Variants in BTBD9 observed in about 807,000 individuals in gnomAD.
BTBD9 encodes BTB/POZ domain-containing protein 9.
Under a neutral mutation model 64.3 loss-of-function variants are expected in BTBD9, and 49 were observed. That is an observed-to-expected ratio of 0.76 (90% CI 0.61 to 0.97). The LOEUF (loss-of-function observed/expected upper bound fraction) is 0.97. Among genes scored for constraint, BTBD9 ranks in the 50% least tolerant of loss-of-function variants. The pLI is 0.00. For synonymous variants in BTBD9, 260 were observed against 274.7 expected (o/e 0.95, Z 0.53); for missense variants, 598 against 762.1 (o/e 0.78, Z 2.53).
At chr6:38,325,009 A>G (rs1763367368) in intron 7 of BTBD9, among the ~76,000 whole-genome samples, 1 of 152,222 alleles carries the variant, frequency 6.6e-6, no homozygotes, top group African/African-American at 2.4e-5. Flanking sequence ...TGCTTAGAAC[A>G]GTGATGACAT....
At chr6:38,205,322 A>G (rs1762598024) in intron 9 of BTBD9, among the ~76,000 whole-genome samples, 1 of 152,294 alleles carries the variant, frequency 6.6e-6, no homozygotes, top group Non-Finnish European at 1.5e-5. Flanking sequence ...CTGGAGGGGG[A>G]AAAAGCAGGT....
chr6:38,567,555 T>A (rs1389288340), intron 6 of BTBD9, among the ~76,000 whole-genome samples: 2 of 152,214 alleles, frequency 1.3e-5, no homozygotes, highest in Non-Finnish European at 2.9e-5. Flanking sequence ...GAAGTCCAAG[T>A]GTTCGTGCTA....
intron 8 of BTBD9, among the ~76,000 whole-genome samples, chr6:38,273,333 A>G (rs2127545293): frequency 6.6e-6 from 1 of 152,230 alleles, no homozygotes; most frequent in East Asian, 1.9e-4. Context: ...ATACAACCCT[A>G]TATTTTGTAT....
intron 7 of BTBD9, among the ~76,000 whole-genome samples, chr6:38,295,687 C>A (rs1762133503): frequency 6.6e-6 from 1 of 152,092 alleles, no homozygotes; most frequent in African/African-American, 2.4e-5. Context: ...ATCCTTTCCC[C>A]CACTAATTTA....
chr6:38,589,222 G>A (rs1313433424), intron 4 of BTBD9, among the ~76,000 whole-genome samples: 1 of 152,126 alleles, frequency 6.6e-6, no homozygotes, highest in East Asian at 1.9e-4. Context: ...AACTGGCTAA[G>A]TTCTCCCTTT....
At chr6:38,199,320 TGGAGAGTCCCTTTC>T (rs372512096) in intron 9 of BTBD9, among the ~76,000 whole-genome samples, 242 of 152,242 alleles carry the variant, frequency 1.6e-3, no homozygotes, top group Admixed American at 2.8e-3. Flanking sequence ...GGCAGGAGAC[TGGAGAGTCCCTTTC>T]GGGAGCCGCT....
intron 6 of BTBD9, among the ~76,000 whole-genome samples, chr6:38,348,723 A>G (rs1764385598): frequency 1.3e-5 from 2 of 152,184 alleles, no homozygotes; most frequent in African/African-American, 2.4e-5. Flanking sequence ...TCTAGGAGCT[A>G]TAAGATTACG....
At chr6:38,495,247 T>C (rs1771900457) in intron 6 of BTBD9, among the ~76,000 whole-genome samples, 1 of 152,212 alleles carries the variant, frequency 6.6e-6, no homozygotes, top group African/African-American at 2.4e-5. Flanking sequence ...ATTGTTCCCA[T>C]CTCATGGGAA....
chr6:38,413,378 G>A (rs1413028888), intron 6 of BTBD9, among the ~76,000 whole-genome samples: 1 of 152,210 alleles, frequency 6.6e-6, no homozygotes, highest in Non-Finnish European at 1.5e-5. Flanking sequence ...AAGAGCAGCT[G>A]GTGATTTGGA....
At chr6:38,600,888 TTA>T (rs1392892669) in intron 1 of BTBD9, among the ~76,000 whole-genome samples, 3 of 152,232 alleles carry the variant, frequency 2.0e-5, no homozygotes, top group African/African-American at 7.2e-5. Context: ...TGCATTTTAA[TTA>T]TGTTTTTCCA....
At chr6:38,235,518 C>A (rs1018861031) in intron 9 of BTBD9, among the ~76,000 whole-genome samples, 3 of 152,142 alleles carry the variant, frequency 2.0e-5, no homozygotes, top group African/African-American at 7.2e-5. Context: ...GTACCACTGG[C>A]TGAAGTTTAA....
intron 8 of BTBD9, among the ~76,000 whole-genome samples, chr6:38,265,925 A>T (rs1474596519): frequency 6.6e-6 from 1 of 152,206 alleles, no homozygotes; most frequent in Non-Finnish European, 1.5e-5. Context: ...CTAACACCAC[A>T]TTACCAAATA....
intron 6 of BTBD9, among the ~76,000 whole-genome samples, chr6:38,349,343 A>G (rs1056782996): frequency 6.6e-6 from 1 of 152,192 alleles, no homozygotes; most frequent in South Asian, 2.1e-4. Flanking sequence ...AGAGTAGATT[A>G]TAGGATGCAG....
At chr6:38,320,096 TC>T (rs1007868132) in intron 7 of BTBD9, among the ~76,000 whole-genome samples, 6 of 152,108 alleles carry the variant, frequency 3.9e-5, no homozygotes, top group African/African-American at 7.2e-5. Context: ...CGCAGCACTC[TC>T]CCCCTCCCCC....
At chr6:38,538,902 G>T (rs2073452276) in intron 6 of BTBD9, among the ~76,000 whole-genome samples, 1 of 151,836 alleles carries the variant, frequency 6.6e-6, no homozygotes, top group African/African-American at 2.4e-5. Flanking sequence ...CTACACCTCA[G>T]CCTCTTGAGT....
chr6:38,444,155 G>A (rs948618150), intron 6 of BTBD9, among the ~76,000 whole-genome samples: 2 of 152,150 alleles, frequency 1.3e-5, no homozygotes, highest in African/African-American at 4.8e-5. Context: ...TAACCATCTA[G>A]AAGAGGTTAA....
chr6:38,351,510 T>TTTG (rs1165248114), intron 6 of BTBD9, among the ~76,000 whole-genome samples: 1 of 139,306 alleles, frequency 7.2e-6, no homozygotes. Context: ...TGTTGTTGTT[T>TTTG]TTTTTTTTTT....
At chr6:38,595,942 T>A (rs1777015002) in intron 2 of BTBD9, 13 of 985,398 alleles carry the variant, frequency 1.3e-5, no homozygotes, top group Non-Finnish European at 1.6e-5. Flanking sequence ...GGATTCTCAA[T>A]GCTTTAAAAG....
chr6:38,539,382 A>C (rs1774163681), intron 6 of BTBD9, among the ~76,000 whole-genome samples: 1 of 152,256 alleles, frequency 6.6e-6, no homozygotes, highest in Admixed American at 6.5e-5. Flanking sequence ...ACCTGGGGTT[A>C]ACACTGATTT....
Sources: gnomAD v4.1 joint callset for allele counts (sites outside exome capture counted in the v4.1 genomes callset) on GRCh38, gnomAD v4.1.1 for gene constraint, MANE v1.5 for transcripts, NCBI Gene and HGNC (gene_info 2026-07-23, HGNC 2026-07-21) for gene names.